MAML1: variants seen among roughly 807,000 people sequenced by gnomAD.
MAML1 encodes mastermind like transcriptional coactivator 1, also known as mastermind-like protein 1.
MAML1 carries 14 observed loss-of-function variants against 77.1 expected under a neutral mutation model. That is an observed-to-expected ratio of 0.18 (90% CI 0.12 to 0.28). The LOEUF is 0.28. MAML1 is among the 10% of genes least tolerant of loss of function. The pLI is 1.00. For missense variants in MAML1, 1,217 were observed against 1,327.8 expected (o/e 0.92, Z 1.30); for synonymous variants, 516 against 551.9 (o/e 0.93, Z 0.91).
At position 179,766,829 on chromosome 5, in the gene MAML1, T is replaced by TA. The variant is rs1779829490; in HGVS notation, c.1731+89dup. 1 of 1,132,224 alleles carries TA rather than the reference T, an allele frequency of 8.8e-7. No homozygotes were observed. The highest frequency in any genetic ancestry group is 3.1e-5 in the Admixed American group (1 of 31,798). The allele number at this position is 1,132,224 out of a possible 1,614,324, so 70.1% of individuals were successfully genotyped here. A position where few individuals can be genotyped will look rare whatever the true frequency, so the allele number is the denominator to read the frequency against. The stretch of plus-strand genomic sequence containing the variant: ...CTTTGGATGTTAATTGGATCCGAGG[T>TA]AGTTGTGGGAAGAGGGAGGAGGGAA... On this transcript the variant is annotated intron_variant, in intron 2 of 4. Transcript: ENST00000292599. This position sits in a 1 kb window ranked among gnomAD's most constrained non-coding sequence, Gnocchi z 4.0.
At chr5:179,750,697 A>G (rs1314735163) in intron 1 of MAML1, among the ~76,000 whole-genome samples, 1 of 152,090 alleles carries the variant, frequency 6.6e-6, no homozygotes, top group Non-Finnish European at 1.5e-5. Context: ...CTGAGTGCAA[A>G]GCAATCCGCT....
At chr5:179,740,317 C>G (rs1179596221) in intron 1 of MAML1, among the ~76,000 whole-genome samples, 2 of 152,282 alleles carry the variant, frequency 1.3e-5, no homozygotes, top group Non-Finnish European at 2.9e-5. Context: ...GCTGACCAGT[C>G]TGGAGTGCAG....
chr5:179,753,568 C>T (rs537900769), intron 1 of MAML1, among the ~76,000 whole-genome samples: 10 of 150,320 alleles, frequency 6.7e-5, no homozygotes, highest in South Asian at 2.1e-4. Context: ...TCGAAGAAAG[C>T]GAATGGCAAA....
At chr5:179,765,233 C>G in intron 1 of MAML1, 93 bp from the exon 2 acceptor site, 2 of 1,078,992 alleles carry the variant, frequency 1.9e-6, no homozygotes, top group South Asian at 1.5e-5. Context: ...AACCCACTGG[C>G]GAGCATTGCA....
At position 179,769,207 on chromosome 5, in the gene MAML1, G is replaced by T; in HGVS notation, c.1971+118G>T. 1 of 1,407,258 alleles carries T rather than the reference G, an allele frequency of 7.1e-7. No individual in the cohort carries two copies. Among genetic ancestry groups the T allele is most frequent in the Middle Eastern group, 2.5e-4 (1 of 4,068 alleles). The allele number at this position is 1,407,258 out of a possible 1,614,324, so 87.2% of individuals were successfully genotyped here. On this transcript the variant is annotated intron_variant, in intron 3 of 4. Coordinates refer to ENST00000292599, the MANE Select transcript of MAML1 (RefSeq NM_014757.5). This position sits in a 1 kb window ranked among gnomAD's most constrained non-coding sequence, Gnocchi z 4.2. ...ATTTGCGCAGACTTGCGTGCCTGTT[G>T]TTAGAGTGCTTTGCCTTTTAAAAAC...
chr5:179,738,840 G>A (rs1414520378), intron 1 of MAML1, among the ~76,000 whole-genome samples: 1 of 151,648 alleles, frequency 6.6e-6, no homozygotes, highest in African/African-American at 2.4e-5. Context: ...GAGTGCAGTG[G>A]CACCATTATG....
At chr5:179,761,558 G>C (rs1779726794) in intron 1 of MAML1, among the ~76,000 whole-genome samples, 1 of 152,080 alleles carries the variant, frequency 6.6e-6, no homozygotes, top group Non-Finnish European at 1.5e-5. Flanking sequence ...AGCTGGACAT[G>C]GTGGTGCACG....
At chr5:179,735,941 C>T (rs1377031134) in intron 1 of MAML1, among the ~76,000 whole-genome samples, 2 of 152,170 alleles carry the variant, frequency 1.3e-5, no homozygotes, top group Non-Finnish European at 2.9e-5. Flanking sequence ...CCACCTCGGC[C>T]TCCCAAAGTG....
chr5:179,773,143 A>G (rs1271848480), intron 4 of MAML1, among the ~76,000 whole-genome samples: 2 of 152,204 alleles, frequency 1.3e-5, no homozygotes, highest in Non-Finnish European at 2.9e-5. Flanking sequence ...TCGGTCTCCC[A>G]AAGTGCTGGG....
Position 179,766,601 on chromosome 5 carries a change from G to C in MAML1, c.1591G>C (p.Gly531Arg). 6.2e-7 allele frequency: 1 copy of C among 1,613,036 alleles called. No individual in the cohort carries two copies. Among genetic ancestry groups the C allele is most frequent in the Non-Finnish European group, 8.5e-7 (1 of 1,179,218 alleles). ...YKADCGQGSP[G>R]SGQSKPALMA... is the part of the protein sequence containing the mutation. ...AGCGGACTGTGGGCAAGGCAGCCCG[G>C]GGTCTGGCCAGAGCAAGCCAGCCCT... Residue 531 changes from glycine (G) to arginine (R), a missense_variant, in exon 2 of 5, where the codon GGG becomes CGG. Around this residue, in one of 3 missense-constraint regions of MAML1, gnomAD observed 884 missense variants for 949.3 expected, o/e 0.93. Coordinates refer to ENST00000292599, the MANE Select transcript of MAML1 (RefSeq NM_014757.5). The surrounding 1 kb of genome is among the most constrained non-coding windows in gnomAD (Gnocchi z 4.0).
chr5:179,751,630 G>A (rs1303600333), intron 1 of MAML1, among the ~76,000 whole-genome samples: 7 of 152,150 alleles, frequency 4.6e-5, no homozygotes, highest in South Asian at 2.1e-4. Context: ...ACTTGAACCC[G>A]GGAGGCAGCG....
At chr5:179,746,092 C>G (rs1345927075) in intron 1 of MAML1, among the ~76,000 whole-genome samples, 1 of 151,556 alleles carries the variant, frequency 6.6e-6, no homozygotes, top group African/African-American at 2.4e-5. Context: ...ACCTGTAATC[C>G]CAGCACTCTG....
chr5:179,758,573 A>C (rs1779669379), intron 1 of MAML1, among the ~76,000 whole-genome samples: 1 of 151,676 alleles, frequency 6.6e-6, no homozygotes, highest in Non-Finnish European at 1.5e-5. Flanking sequence ...TATTTTTTTT[A>C]GAAATGGCGT....
At chr5:179,772,161 C>T (rs1756009352) in intron 4 of MAML1, among the ~76,000 whole-genome samples, 1 of 152,182 alleles carries the variant, frequency 6.6e-6, no homozygotes, top group Non-Finnish European at 1.5e-5. Flanking sequence ...GTCTGTCGCC[C>T]AGGCTGCAGT....
chr5:179,741,334 C>T (rs1581924068), intron 1 of MAML1, among the ~76,000 whole-genome samples: 2 of 152,106 alleles, frequency 1.3e-5, no homozygotes, highest in Non-Finnish European at 2.9e-5. Context: ...GGGCTAAAGC[C>T]TGTGAGAATA....
rs1756114788 is a variant in MAML1, at chr5:179,775,390, TA to T, written c.*515del. On this transcript the variant is annotated 3_prime_UTR_variant, in exon 5 of 5. Transcript: ENST00000292599. Reference sequence around the variant, plus strand: ...AGGGTAGGTGATGGTTTAAATCAATTAAGTGGCATTGGAAACCTAGGGTTTC... The same window carrying T: ...AGGGTAGGTGATGGTTTAAATCAATTAGTGGCATTGGAAACCTAGGGTTTC... The T allele has an allele frequency of 5.1e-6, 5 of 985,406 alleles. No individual in the cohort carries two copies. In the South Asian group the frequency reaches 2.3e-4, roughly 46 times the overall value. The allele number at this position is 985,406 out of a possible 1,614,324, so 61.0% of individuals were successfully genotyped here. A position where few individuals can be genotyped will look rare whatever the true frequency, so the allele number is the denominator to read the frequency against.
rs937211523 is a variant in MAML1, at chr5:179,776,773, G to A, written c.*1896G>A. The stretch of plus-strand genomic sequence containing the variant: ...CCTTAGTCCTGGGGCCGGCGACACA[G>A]TGGGGGCTCCTCACTTGCTGCAGTG... On this transcript the variant is annotated 3_prime_UTR_variant, in exon 5 of 5. Coordinates refer to ENST00000292599, the MANE Select transcript of MAML1 (RefSeq NM_014757.5). The A allele has an allele frequency of 1.0e-6, 1 of 985,848 alleles. No individual in the cohort carries two copies. The highest frequency in any genetic ancestry group is 1.7e-5 in the African/African-American group (1 of 57,236). The allele number at this position is 985,848 out of a possible 1,614,324, so 61.1% of individuals were successfully genotyped here.
intron 1 of MAML1, among the ~76,000 whole-genome samples, chr5:179,760,390 A>G (rs1423542705): frequency 1.3e-5 from 2 of 152,228 alleles, no homozygotes; most frequent in Non-Finnish European, 1.5e-5. Context: ...CAGAAAAGTT[A>G]GAGGGAAGAG....
chr5:179,762,436 G>T (rs146935571), intron 1 of MAML1, among the ~76,000 whole-genome samples: 1 of 152,100 alleles, frequency 6.6e-6, no homozygotes, highest in African/African-American at 2.4e-5. Flanking sequence ...TTAGGTCAGC[G>T]GGGTGTCTTG....
Sources: allele counts gnomAD v4.1 joint callset (sites outside exome capture counted in the v4.1 genomes callset), GRCh38; gene constraint gnomAD v4.1.1; regional missense constraint gnomAD v4.1.1; non-coding constraint Gnocchi (gnomAD v3.1); transcripts MANE v1.5; gene names NCBI Gene and HGNC (gene_info 2026-07-23, HGNC 2026-07-21).